The following FRMD4A variants were observed in gnomAD, a reference collection of about 807,000 sequenced individuals.
FRMD4A encodes FERM domain-containing protein 4A.
Under a neutral mutation model 129.1 loss-of-function variants are expected in FRMD4A, and 29 were observed. The ratio of observed to expected loss-of-function variants is 0.22; its 90% CI spans 0.17 to 0.31. FRMD4A has a LOEUF of 0.31. FRMD4A is among the 10% of genes least tolerant of loss of function. The pLI is 1.00. For synonymous variants in FRMD4A, 634 were observed against 571.6 expected, an observed-to-expected ratio of 1.11 and a Z score of -1.56; for missense variants, 1,272 against 1,375.8, an observed-to-expected ratio of 0.92 and a Z score of 1.19.
rs555499544 is a variant in FRMD4A, at chr10:14,311,596, C to T, written c.45+18462G>A. ...CCACCCACACTCATTTCTGCCATCT[C>T]TCACACTCTCTCTCCCCTCTCCATC... is the stretch of plus-strand genomic sequence containing the variant. On this transcript the variant is annotated intron_variant, in intron 2 of 24. Coordinates refer to ENST00000357447, the MANE Select transcript of FRMD4A (RefSeq NM_018027.5). 1.2e-4 allele frequency among the ~76,000 whole-genome samples: 15 copies of T among 120,114 alleles called. No homozygotes were observed. In the South Asian group the frequency reaches 5.1e-3, roughly 41 times the overall value. The allele number at this position is 120,114 out of a possible 152,430, so 78.8% of individuals were successfully genotyped here. A position where few individuals can be genotyped will look rare whatever the true frequency, so the allele number is the denominator to read the frequency against.
intron 2 of FRMD4A, among the ~76,000 whole-genome samples, chr10:14,315,048 G>A (rs368260433): frequency 2.7e-5 from 4 of 150,624 alleles, no homozygotes; most frequent in African/African-American, 7.3e-5. Context: ...CTCTTTATAC[G>A]ACAAATTATA....
At chr10:13,796,250 C>T (rs2093115440) in intron 5 of FRMD4A, among the ~76,000 whole-genome samples, 1 of 152,164 alleles carries the variant, frequency 6.6e-6, no homozygotes, top group Non-Finnish European at 1.5e-5. Flanking sequence ...AAGTTTTTCT[C>T]ATCATTCCAC....
intron 2 of FRMD4A, among the ~76,000 whole-genome samples, chr10:14,157,660 A>C (rs921119092): frequency 1.3e-5 from 2 of 152,222 alleles, no homozygotes; most frequent in Non-Finnish European, 2.9e-5. Context: ...TGGTCTTAGC[A>C]TCTTGCACTC....
intron 12 of FRMD4A, chr10:13,707,376 C>T (rs1589473102): frequency 7.9e-6 from 9 of 1,145,910 alleles, no homozygotes; most frequent in African/African-American, 1.6e-5. Flanking sequence ...TCAAGTTCTC[C>T]GCCTTCGGTC....
At chr10:14,129,949 C>G (rs1196638255) in intron 2 of FRMD4A, among the ~76,000 whole-genome samples, 2 of 152,192 alleles carry the variant, frequency 1.3e-5, no homozygotes, top group African/African-American at 2.4e-5. Context: ...ATTCCCTCTT[C>G]CCTGTGGTGG....
chr10:14,150,979 T>C (rs1032343654), intron 2 of FRMD4A, among the ~76,000 whole-genome samples: 2 of 152,220 alleles, frequency 1.3e-5, no homozygotes, highest in African/African-American at 2.4e-5. Context: ...AACCTAAGCA[T>C]TGGATTTGTC....
At chr10:14,188,674 G>A (rs930600934) in intron 2 of FRMD4A, among the ~76,000 whole-genome samples, 2 of 152,204 alleles carry the variant, frequency 1.3e-5, no homozygotes, top group East Asian at 1.9e-4. Flanking sequence ...AGAGGCTGAG[G>A]TGGAAGGCTC....
chr10:14,031,396 T>C (rs1046102624), intron 2 of FRMD4A, among the ~76,000 whole-genome samples: 4 of 152,040 alleles, frequency 2.6e-5, no homozygotes, highest in Non-Finnish European at 4.4e-5. Flanking sequence ...GCCTCCTGAG[T>C]AGCTGAGAAT....
At chr10:14,170,393 A>G (rs772481514) in intron 2 of FRMD4A, among the ~76,000 whole-genome samples, 1 of 152,216 alleles carries the variant, frequency 6.6e-6, no homozygotes, top group Non-Finnish European at 1.5e-5. Context: ...CCCCTTTCAT[A>G]AAATGACCAG....
intron 6 of FRMD4A, among the ~76,000 whole-genome samples, chr10:13,772,964 T>A (rs978202467): frequency 6.6e-6 from 1 of 152,224 alleles, no homozygotes; most frequent in Non-Finnish European, 1.5e-5. Flanking sequence ...AGTGGATTGT[T>A]TGTAACACAA....
Position 14,128,069 on chromosome 10 carries a change from T to C in FRMD4A, c.45+201989A>G, listed in dbSNP as rs868769609. ...CCCTCTTTCTTTCTTTCTTTCTTTC[T>C]TTCTTTCTTTCTTTCTTTCTTTCTT... On this transcript the variant is annotated intron_variant, in intron 2 of 24. Transcript: ENST00000357447. Among the ~76,000 whole-genome samples the C allele has an allele frequency of 3.8e-3, 369 of 97,168 alleles. 14 individuals are homozygous for C. Among genetic ancestry groups the C allele is most frequent in the Admixed American group, 0.018 (154 of 8,352 alleles). 63.7% of individuals were successfully genotyped at this position (97,168 alleles called of 152,430 possible). A position where few individuals can be genotyped will look rare whatever the true frequency, so the allele number is the denominator to read the frequency against.
At chr10:13,899,529 C>T (rs376853042) in intron 2 of FRMD4A, among the ~76,000 whole-genome samples, 3 of 152,172 alleles carry the variant, frequency 2.0e-5, no homozygotes, top group African/African-American at 4.8e-5. Flanking sequence ...TGTGGTGGCT[C>T]ACACCTGTAA....
intron 2 of FRMD4A, among the ~76,000 whole-genome samples, chr10:13,880,123 T>C (rs990732540): frequency 6.6e-6 from 1 of 152,186 alleles, no homozygotes; most frequent in East Asian, 1.9e-4. Context: ...CCCAGGTTTG[T>C]AGAGAATTAT....
intron 2 of FRMD4A, among the ~76,000 whole-genome samples, chr10:14,306,202 C>A (rs939530540): frequency 6.6e-6 from 1 of 152,188 alleles, no homozygotes; most frequent in East Asian, 1.9e-4. Context: ...TCTGTTCACA[C>A]AACTGTTAGA....
chr10:13,978,105 T>C (rs1312488613), intron 2 of FRMD4A, among the ~76,000 whole-genome samples: 1 of 152,216 alleles, frequency 6.6e-6, no homozygotes, highest in Non-Finnish European at 1.5e-5. Flanking sequence ...ATTTTACATT[T>C]CCACTAGCAG....
intron 2 of FRMD4A, among the ~76,000 whole-genome samples, chr10:14,163,820 T>C (rs1841029952): frequency 6.6e-6 from 1 of 152,216 alleles, no homozygotes; most frequent in Non-Finnish European, 1.5e-5. Context: ...ATCTCACTCC[T>C]CTTGCTTCCC....
chr10:13,957,901 C>A (rs954990303), intron 2 of FRMD4A, among the ~76,000 whole-genome samples: 2 of 152,140 alleles, frequency 1.3e-5, no homozygotes, highest in Non-Finnish European at 2.9e-5. Context: ...ACCGCTCTTT[C>A]CCCACACCTT....
intron 15 of FRMD4A, among the ~76,000 whole-genome samples, chr10:13,688,067 C>T (rs990130980): frequency 1.3e-5 from 2 of 152,164 alleles, no homozygotes; most frequent in East Asian, 3.8e-4. Context: ...AAATCATCTG[C>T]CATTGAGTCA....
At position 13,961,450 on chromosome 10, in the gene FRMD4A, G is replaced by C. The variant is rs1176045039; in HGVS notation, c.46-102538C>G. ...CTTAGTAGAGAGGGCCAGTGGCCAA[G>C]CTGTATAGGCAACATCATTGTAAAT... On this transcript the variant is annotated intron_variant, in intron 2 of 24. Transcript: ENST00000357447. Among the ~76,000 whole-genome samples the C allele has an allele frequency of 5.9e-5, 9 of 152,324 alleles. No homozygotes were observed. In the East Asian group the frequency reaches 1.7e-3, roughly 29 times the overall value.
Sources: gnomAD v4.1 joint callset for allele counts (sites outside exome capture counted in the v4.1 genomes callset) on GRCh38, gnomAD v4.1.1 for gene constraint, MANE v1.5 for transcripts, NCBI Gene and HGNC (gene_info 2026-07-23, HGNC 2026-07-21) for gene names.